CSF2RB: variants seen among roughly 807,000 people sequenced by gnomAD.
The protein encoded by CSF2RB is cytokine receptor common subunit beta.
A neutral mutation model predicts 67.2 loss-of-function variants in CSF2RB; 22 were observed. The observed-to-expected ratio is 0.33, with a 90% CI of 0.23 to 0.47. The LOEUF is 0.47. Ranked by LOEUF, CSF2RB falls within the 20% of genes least tolerant of loss-of-function variation. The pLI is 1.00. For missense variants in CSF2RB, 1,113 were observed against 1,174.5 expected (o/e 0.95, Z 0.76); for synonymous variants, 507 against 482.9 (o/e 1.05, Z -0.65).
At chr22:36,933,314 A>G (rs1601590876) in intron 9 of CSF2RB, among the ~76,000 whole-genome samples, 1 of 152,322 alleles carries the variant, frequency 6.6e-6, no homozygotes, top group East Asian at 1.9e-4. Context: ...CGCCCAGGCC[A>G]GGGCTCGGTC....
intron 1 of CSF2RB, among the ~76,000 whole-genome samples, chr22:36,918,175 T>C (rs1940767466): frequency 6.6e-6 from 1 of 152,248 alleles, no homozygotes; most frequent in African/African-American, 2.4e-5. Context: ...TCTTGGATTT[T>C]TTTTTCCTGA....
At chr22:36,932,127 G>A (rs1217623974) in intron 8 of CSF2RB, among the ~76,000 whole-genome samples, 1 of 152,194 alleles carries the variant, frequency 6.6e-6, no homozygotes, top group Non-Finnish European at 1.5e-5. Flanking sequence ...GAATAAGTAT[G>A]TATAACAGTG....
rs376355889 is a variant in CSF2RB at position 36,938,236 on chromosome 22, C to A, written c.2428C>A (p.Pro810Thr). The A allele has an allele frequency of 1.2e-5, 20 of 1,614,092 alleles. No homozygotes were observed. Among genetic ancestry groups the A allele is most frequent in the Non-Finnish European group, 1.7e-5 (20 of 1,180,034 alleles). ...AGATGTGTCCCCAACATCCCCACAG[C>A]CCGAGGGCCTCCTTGTCCTGCAGCA... is the stretch of plus-strand genomic sequence containing the variant. ...PADVSPTSPQ[P>T]EGLLVLQQVG... The change falls in exon 14 of 14, where the codon CCC becomes ACC. Residue 810 changes from proline to threonine, a missense_variant. By Grantham distance (38) the Pro-to-Thr change is conservative. This residue lies in a region of CSF2RB where 554 missense variants were observed against 517.9 expected (regional missense o/e 1.07). Transcript: ENST00000403662.
rs1333263640 is a variant in CSF2RB, at chr22:36,937,087, G to A, written c.1569-290G>A. 6.6e-6 allele frequency among the ~76,000 whole-genome samples: 1 copy of A among 152,126 alleles called. No homozygotes were observed. The highest frequency in any genetic ancestry group is 1.5e-5 in the Non-Finnish European group (1 of 68,010). On this transcript the variant is annotated intron_variant, in intron 13 of 13. Transcript: ENST00000403662. This position sits in a 1 kb window ranked among gnomAD's most constrained non-coding sequence, Gnocchi z 4.6. The stretch of plus-strand genomic sequence containing the variant: ...GCTGGGCATGAGCCTGGTGCTGAAG[G>A]AGGATGGACTTTAAGGTCAAAAGGG...
Position 36,938,273 on chromosome 22 carries a change from A to G in CSF2RB, c.2465A>G (p.Tyr822Cys). 6.2e-7 allele frequency: 1 copy of G among 1,614,070 alleles called. No individual in the cohort carries two copies. The highest frequency in any genetic ancestry group is 8.5e-7 in the Non-Finnish European group (1 of 1,179,988). Residue 822 changes from tyrosine (Y) to cysteine (C), a missense_variant, in exon 14 of 14, where the codon TAT becomes TGT. Around this residue, in one of 2 missense-constraint regions of CSF2RB, gnomAD observed 554 missense variants for 517.9 expected, o/e 1.07. Coordinates refer to ENST00000403662, the MANE Select transcript of CSF2RB (RefSeq NM_000395.3). ...GLLVLQQVGD[Y>C]CFLPGLGPGP... Reference sequence around the variant, plus strand: ...CTTGTCCTGCAGCAAGTGGGCGACTATTGCTTCCTCCCCGGCCTGGGGCCC... The same window carrying G: ...CTTGTCCTGCAGCAAGTGGGCGACTGTTGCTTCCTCCCCGGCCTGGGGCCC...
intron 4 of CSF2RB, among the ~76,000 whole-genome samples, chr22:36,928,726 A>G (rs556198000): frequency 6.6e-6 from 1 of 152,192 alleles, no homozygotes; most frequent in South Asian, 2.1e-4. Flanking sequence ...TCATTCACTC[A>G]TTCACCTTGC....
intron 3 of CSF2RB, chr22:36,923,706 C>T (rs1192581304): frequency 3.6e-5 from 48 of 1,321,102 alleles, no homozygotes; most frequent in Non-Finnish European, 4.8e-5. Flanking sequence ...GTGAGGTGGG[C>T]AGGGCCAGGC....
Position 36,922,255 on chromosome 22 carries a change from C to G in CSF2RB, c.48C>G (p.Cys16Trp), listed in dbSNP as rs765741610. 6.3e-7 allele frequency: 1 copy of G among 1,585,276 alleles called. No homozygotes were observed. Among genetic ancestry groups the G allele is most frequent in the South Asian group, 1.2e-5 (1 of 86,748 alleles). ...TCTCCATGGCCCTGCTGGCCCTGTGCTGGGAGCGCAGCCTGGCAGGGGCAG... is the reference window on the plus strand; with the variant it reads ...TCTCCATGGCCCTGCTGGCCCTGTGGTGGGAGCGCAGCCTGGCAGGGGCAG... ...GLLSMALLALCWERSLAGAEE... is the reference protein window; with the variant it reads ...GLLSMALLALWWERSLAGAEE... The change falls in exon 2 of 14, where the codon TGC becomes TGG. Residue 16 changes from cysteine (C) to tryptophan (W), a missense_variant. Physicochemically the swap from Cys to Trp is radical, Grantham distance 215. Coordinates refer to ENST00000403662, the MANE Select transcript of CSF2RB (RefSeq NM_000395.3).
At chr22:36,928,044 G>C (rs1199579737) in intron 4 of CSF2RB, among the ~76,000 whole-genome samples, 4 of 152,214 alleles carry the variant, frequency 2.6e-5, no homozygotes, top group South Asian at 4.1e-4. Flanking sequence ...TAGATATAGG[G>C]AGAGAAGTGT....
chr22:36,916,604 T>C (rs1024457061), intron 1 of CSF2RB, among the ~76,000 whole-genome samples: 43 of 152,168 alleles, frequency 2.8e-4, no homozygotes, highest in African/African-American at 1.0e-3. Flanking sequence ...ATGCCTATAA[T>C]CCCAGCACTT....
In CSF2RB at chr22:36,926,108, G is replaced by C; in HGVS notation, c.322G>C (p.Val108Leu). 1 of 1,614,208 alleles carries C rather than the reference G, an allele frequency of 6.2e-7. No individual in the cohort carries two copies. Among genetic ancestry groups the C allele is most frequent in the South Asian group, 1.1e-5 (1 of 91,084 alleles). The change falls in exon 4 of 14, where the codon GTT becomes CTT. Residue 108 changes from valine (V) to leucine (L), a missense_variant. Transcript: ENST00000403662. ...IPCQSFVVTD[V>L]DYFSFQPDRP... Reference sequence around the variant, plus strand: ...CTGCCAGAGTTTTGTCGTCACTGACGTTGACTACTTCTCATTCCAACCAGA... The same window carrying C: ...CTGCCAGAGTTTTGTCGTCACTGACCTTGACTACTTCTCATTCCAACCAGA...
intron 10 of CSF2RB, among the ~76,000 whole-genome samples, chr22:36,935,010 G>A (rs1416508174): frequency 6.6e-6 from 1 of 152,116 alleles, no homozygotes; most frequent in East Asian, 1.9e-4. Flanking sequence ...TCCTATTACT[G>A]GAGGCCCAGC....
rs1381809127 is a variant in CSF2RB, at chr22:36,937,258, A to T, written c.1569-119A>T. ...CTGTCCCGTTCAGGTTCTCTCTGTG[A>T]GATCTGGGGGACATCAGGGCTTCCA... is the stretch of plus-strand genomic sequence containing the variant. On this transcript the variant is annotated intron_variant, in intron 13 of 13. Coordinates refer to ENST00000403662, the MANE Select transcript of CSF2RB (RefSeq NM_000395.3). The surrounding 1 kb of genome is among the most constrained non-coding windows in gnomAD (Gnocchi z 4.6). 7.8e-7 allele frequency: 1 copy of T among 1,275,778 alleles called. No homozygotes were observed. Among genetic ancestry groups the T allele is most frequent in the African/African-American group, 1.5e-5 (1 of 67,870 alleles). The allele number at this position is 1,275,778 out of a possible 1,614,324, so 79.0% of individuals were successfully genotyped here. A position where few individuals can be genotyped will look rare whatever the true frequency, so the allele number is the denominator to read the frequency against.
In CSF2RB at chr22:36,937,697, G is replaced by A; in HGVS notation, c.1889G>A (p.Cys630Tyr). Residue 630 changes from cysteine to tyrosine, a missense_variant, in exon 14 of 14, where the codon TGT becomes TAT. By Grantham distance (194) the Cys-to-Tyr change is radical. Transcript: ENST00000403662. The surrounding 1 kb of genome is among the most constrained non-coding windows in gnomAD (Gnocchi z 4.6). The part of the protein sequence containing the change: ...SPPPGSLEYL[C>Y]LPAGGQVQLV... ...CCTCCAGGGTCCCTGGAGTACCTGT[G>A]TCTGCCTGCTGGGGGGCAGGTGCAA... 1.9e-6 allele frequency: 3 copies of A among 1,555,008 alleles called. No individual in the cohort carries two copies. Among genetic ancestry groups the A allele is most frequent in the African/African-American group, 1.4e-5 (1 of 73,376 alleles).
rs185788449 is a variant in CSF2RB at position 36,913,860 on chromosome 22, C to T, written c.-173+183C>T. 9.6e-4 allele frequency among the ~76,000 whole-genome samples: 146 copies of T among 152,092 alleles called. 1 individual carries two copies. The highest frequency in any genetic ancestry group is 1.5e-3 in the Non-Finnish European group (104 of 67,946). ...ATGACCTGAGCCCAGACTCCTAGGG[C>T]GGCCAGTGGATGGGGAGGCAGCCAG... On this transcript the variant is annotated intron_variant, in intron 1 of 13. Transcript: ENST00000403662.
intron 8 of CSF2RB, among the ~76,000 whole-genome samples, chr22:36,932,547 CACATCACTACAAA>C (rs1467585528): frequency 4.6e-5 from 7 of 152,040 alleles, no homozygotes; most frequent in Non-Finnish European, 1.5e-5. Flanking sequence ...AGCACTGGGC[CACATCACTACAAA>C]ACAAGTGTAT....
intron 2 of CSF2RB, 43 bp from the exon 3 acceptor site, chr22:36,923,201 C>T (rs1940920760): frequency 1.2e-6 from 2 of 1,613,912 alleles, no homozygotes; most frequent in Non-Finnish European, 1.7e-6. Context: ...GACAAGGGTC[C>T]CTGCAGGAAA....
chr22:36,934,151 T>C (rs1424218323), intron 10 of CSF2RB, among the ~76,000 whole-genome samples, 157 bp downstream of exon 10: 1 of 152,092 alleles, frequency 6.6e-6, no homozygotes, highest in African/African-American at 2.4e-5. Flanking sequence ...AGGGAAGGCC[T>C]TTGCAGAGAG....
chr22:36,921,931 T>G, intron 1 of CSF2RB, 105 bp from the exon 2 acceptor site: 2 of 562,120 alleles, frequency 3.6e-6, no homozygotes, highest in Admixed American at 3.0e-5. Flanking sequence ...GACTGAGAGG[T>G]CATGCATGAG....
Sources: gnomAD v4.1 joint callset for allele counts (sites outside exome capture counted in the v4.1 genomes callset) on GRCh38, gnomAD v4.1.1 for gene constraint, gnomAD v4.1.1 regional missense constraint, Gnocchi (gnomAD v3.1) non-coding constraint, MANE v1.5 for transcripts, NCBI Gene and HGNC (gene_info 2026-07-23, HGNC 2026-07-21) for gene names.